Variants in CDK8 observed in about 807,000 individuals in gnomAD.
The protein encoded by CDK8 is cyclin-dependent kinase 8.
CDK8 carries 29 observed loss-of-function variants against 71.5 expected under a neutral mutation model. The observed-to-expected ratio is 0.41, with a 90% CI of 0.30 to 0.55. The LOEUF is 0.55. CDK8 is among the 20% of genes least tolerant of loss of function. CDK8 has a pLI of 0.37. For missense variants in CDK8, 288 were observed against 572.6 expected (o/e 0.50, Z 5.07); for synonymous variants, 161 against 192.1 (o/e 0.84, Z 1.34).
intron 1 of CDK8, among the ~76,000 whole-genome samples, chr13:26,303,929 C>T (rs1873926858): frequency 6.6e-6 from 1 of 152,046 alleles, no homozygotes; most frequent in Non-Finnish European, 1.5e-5. Flanking sequence ...TGATGTTTGC[C>T]ATGGTGTACT....
rs1871429360 is a variant in CDK8 at position 26,254,588 on chromosome 13, CACCCCTG to C, written c.-53_-47del. ...CGGCTGCCCGTGCTTCCCCGGTCCCCACCCCTGCCCCCCGGCCCCCCGACCCAGCTCT... is the reference window on the plus strand; with the variant it reads ...CGGCTGCCCGTGCTTCCCCGGTCCCCCCCCCCGGCCCCCCGACCCAGCTCT... On this transcript the variant is annotated 5_prime_UTR_variant, in exon 1 of 13. Transcript: ENST00000381527. This position sits in a 1 kb window ranked among gnomAD's most constrained non-coding sequence, Gnocchi z 6.7. 3.0e-3 allele frequency: 3,818 copies of C among 1,272,526 alleles called. No individual in the cohort carries two copies. Among genetic ancestry groups the C allele is most frequent in the Non-Finnish European group, 3.8e-3 (3,473 of 911,042 alleles). 78.8% of individuals were successfully genotyped at this position (1,272,526 alleles called of 1,614,324 possible).
Position 26,254,542 on chromosome 13 carries a change from C to T in CDK8, c.-100C>T, listed in dbSNP as rs1371467967. Reference sequence around the variant, plus strand: ...GGTGCTGCGGCCGGCGGGCGTAGAGCGGGCGGGTTCCCGGGGGCTGCGGCT... The same window carrying T: ...GGTGCTGCGGCCGGCGGGCGTAGAGTGGGCGGGTTCCCGGGGGCTGCGGCT... On this transcript the variant is annotated 5_prime_UTR_variant, in exon 1 of 13. Coordinates refer to ENST00000381527, the MANE Select transcript of CDK8 (RefSeq NM_001260.3). This position sits in a 1 kb window ranked among gnomAD's most constrained non-coding sequence, Gnocchi z 6.7. 4 of 1,000,508 alleles carry T rather than the reference C, an allele frequency of 4.0e-6. No individual in the cohort carries two copies. The highest frequency in any genetic ancestry group is 4.3e-6 in the Non-Finnish European group (3 of 690,972). The allele number at this position is 1,000,508 out of a possible 1,614,324, so 62.0% of individuals were successfully genotyped here.
chr13:26,297,424 G>C (rs959812942), intron 1 of CDK8, among the ~76,000 whole-genome samples: 2 of 152,134 alleles, frequency 1.3e-5, no homozygotes, highest in Non-Finnish European at 1.5e-5. Flanking sequence ...TTGTTCTATG[G>C]ATCTTGGTCA....
In CDK8 at chr13:26,371,596, AAAG is replaced by A. The variant is rs370031311; in HGVS notation, c.457-11215_457-11213del. ...TCTGTTCAGTTTGCCAATTGTACAA[AAAG>A]AAATAGAAACACGTGTACCTTGACT... On this transcript the variant is annotated intron_variant, in intron 4 of 12. Transcript: ENST00000381527. Among the ~76,000 whole-genome samples, 588 of 152,314 alleles carry A rather than the reference AAAG, an allele frequency of 3.9e-3. 7 individuals are homozygous for A. The highest frequency in any genetic ancestry group is 0.012 in the African/African-American group (517 of 41,564).
At chr13:26,376,881 TAGACCATTGACGAA>T (rs1319370541) in intron 4 of CDK8, among the ~76,000 whole-genome samples, 1 of 152,244 alleles carries the variant, frequency 6.6e-6, no homozygotes, top group African/African-American at 2.4e-5. Context: ...TGTTTGATGA[TAGACCATTGACGAA>T]AGACCATTTT....
chr13:26,319,021 C>T (rs1362459087), intron 1 of CDK8, among the ~76,000 whole-genome samples: 1 of 152,038 alleles, frequency 6.6e-6, no homozygotes, highest in African/African-American at 2.4e-5. Flanking sequence ...ATATAGAAAA[C>T]CTTAAAGATT....
At chr13:26,391,081 A>G (rs1044983068) in intron 6 of CDK8, among the ~76,000 whole-genome samples, 4 of 152,066 alleles carry the variant, frequency 2.6e-5, no homozygotes, top group African/African-American at 9.7e-5. Flanking sequence ...TAGCCTGATC[A>G]GCTGACTCAG....
chr13:26,262,097 GC>G (rs1399679928), intron 1 of CDK8, among the ~76,000 whole-genome samples: 2 of 152,180 alleles, frequency 1.3e-5, no homozygotes, highest in African/African-American at 4.8e-5. Flanking sequence ...TGCTGGAAAT[GC>G]TTTTTTCTCA....
At chr13:26,358,315 TAAA>T (rs1873987184) in intron 4 of CDK8, among the ~76,000 whole-genome samples, 1 of 151,438 alleles carries the variant, frequency 6.6e-6, no homozygotes, top group Non-Finnish European at 1.5e-5. Flanking sequence ...AAATAAAAAA[TAAA>T]AAAGTCATCC....
At chr13:26,340,857 A>G (rs1480888338) in intron 2 of CDK8, among the ~76,000 whole-genome samples, 2 of 152,170 alleles carry the variant, frequency 1.3e-5, no homozygotes, top group African/African-American at 4.8e-5. Context: ...AAGTAAGTGT[A>G]GAAGGGAGGG....
Position 26,396,275 on chromosome 13 carries a change from T to C in CDK8, c.791-10T>C. Reference sequence around the variant, plus strand: ...TAGGCAACATAAAAATTTATCAATGTATTTCACAGATAAAGATTGGGAAGA... The same window carrying C: ...TAGGCAACATAAAAATTTATCAATGCATTTCACAGATAAAGATTGGGAAGA... On this transcript the variant is annotated splice_polypyrimidine_tract_variant and intron_variant, in intron 7 of 12. Coordinates refer to ENST00000381527, the MANE Select transcript of CDK8 (RefSeq NM_001260.3). 1 of 1,209,816 alleles carries C rather than the reference T, an allele frequency of 8.3e-7. No homozygotes were observed. Among genetic ancestry groups the C allele is most frequent in the Non-Finnish European group, 1.2e-6 (1 of 855,474 alleles). 74.9% of individuals were successfully genotyped at this position (1,209,816 alleles called of 1,614,324 possible). A position where few individuals can be genotyped will look rare whatever the true frequency, so the allele number is the denominator to read the frequency against.
chr13:26,292,677 G>A (rs1029502921), intron 1 of CDK8, among the ~76,000 whole-genome samples: 3 of 152,156 alleles, frequency 2.0e-5, no homozygotes, highest in African/African-American at 7.2e-5. Flanking sequence ...ACTAAAAGGA[G>A]GAAGAGAAGA....
At chr13:26,264,446 G>A (rs568424870) in intron 1 of CDK8, among the ~76,000 whole-genome samples, 1 of 152,170 alleles carries the variant, frequency 6.6e-6, no homozygotes, top group African/African-American at 2.4e-5. Flanking sequence ...CCTCCCAGTA[G>A]CTGCAGTTCT....
intron 3 of CDK8, among the ~76,000 whole-genome samples, chr13:26,351,480 A>G (rs1297005724): frequency 6.6e-6 from 1 of 152,206 alleles, no homozygotes; most frequent in African/African-American, 2.4e-5. Flanking sequence ...ATAAAGTCAT[A>G]TAATTTAAAC....
At chr13:26,332,185 C>T (rs116342219) in intron 1 of CDK8, among the ~76,000 whole-genome samples, 87 of 151,798 alleles carry the variant, frequency 5.7e-4, no homozygotes, top group Non-Finnish European at 9.6e-4. Context: ...AATTTATTTG[C>T]CAAATCTAAG....
intron 1 of CDK8, among the ~76,000 whole-genome samples, chr13:26,303,726 T>G (rs1873918441): frequency 6.6e-6 from 1 of 152,228 alleles, no homozygotes; most frequent in Non-Finnish European, 1.5e-5. Context: ...ATCCAGGATA[T>G]GGCCAATTTT....
intron 2 of CDK8, among the ~76,000 whole-genome samples, chr13:26,344,544 C>T (rs983015108): frequency 1.3e-5 from 2 of 152,118 alleles, no homozygotes; most frequent in Non-Finnish European, 1.5e-5. Flanking sequence ...ACAGATAGAT[C>T]ACTGGAGGCC....
At position 26,286,791 on chromosome 13, in the gene CDK8, G is replaced by A. The variant is rs1379422464; in HGVS notation, c.128+32022G>A. ...AGGACTAATACCCAGAATCTACAAG[G>A]AACTCAAATCAGCAAGATAAAAAAC... On this transcript the variant is annotated intron_variant, in intron 1 of 12. Coordinates refer to ENST00000381527, the MANE Select transcript of CDK8 (RefSeq NM_001260.3). Among the ~76,000 whole-genome samples, 3 of 152,200 alleles carry A rather than the reference G, an allele frequency of 2.0e-5. No homozygotes were observed. In the East Asian group the frequency reaches 5.8e-4, roughly 29 times the overall value.
intron 2 of CDK8, among the ~76,000 whole-genome samples, chr13:26,347,499 T>C (rs1381195703): frequency 1.3e-5 from 2 of 152,208 alleles, no homozygotes; most frequent in Non-Finnish European, 2.9e-5. Context: ...CCTAGACAAC[T>C]TGCAGAATGG....
Sources: allele counts gnomAD v4.1 joint callset (sites outside exome capture counted in the v4.1 genomes callset), GRCh38; gene constraint gnomAD v4.1.1; non-coding constraint Gnocchi (gnomAD v3.1); transcripts MANE v1.5; gene names NCBI Gene and HGNC (gene_info 2026-07-23, HGNC 2026-07-21).